Variants in SMG6 observed in about 807,000 individuals in gnomAD.
The protein encoded by SMG6 is SMG6 nonsense mediated mRNA decay factor, also known as telomerase-binding protein EST1A.
A neutral mutation model predicts 142.2 loss-of-function variants in SMG6; 66 were observed. That is an observed-to-expected ratio of 0.46 (90% CI 0.38 to 0.57). The LOEUF is 0.57. SMG6 is among the 20% of genes least tolerant of loss of function. The pLI, the probability that SMG6 is intolerant of heterozygous loss-of-function variation, is 0.00. For missense variants in SMG6, 1,793 were observed against 1,832.0 expected, an observed-to-expected ratio of 0.98 and a Z score of 0.39; for synonymous variants, 779 against 702.4, an observed-to-expected ratio of 1.11 and a Z score of -1.72.
intron 1 of SMG6, among the ~76,000 whole-genome samples, chr17:2,301,171 A>G (rs1480494995): frequency 6.6e-6 from 1 of 152,228 alleles, no homozygotes; most frequent in Non-Finnish European, 1.5e-5. Flanking sequence ...AGGGTATTAT[A>G]ACAATTATCA....
intron 13 of SMG6, among the ~76,000 whole-genome samples, chr17:2,119,478 G>A (rs1490214960): frequency 6.6e-6 from 1 of 151,944 alleles, no homozygotes; most frequent in African/African-American, 2.4e-5. Flanking sequence ...ATAGGCATTA[G>A]TCACCGCACC....
At chr17:2,219,818 A>AG (rs1350482165) in intron 10 of SMG6, among the ~76,000 whole-genome samples, 1 of 137,620 alleles carries the variant, frequency 7.3e-6, no homozygotes, top group African/African-American at 2.7e-5. Flanking sequence ...AAAAAAAAAA[A>AG]AAAGAAAAGA....
At chr17:2,156,688 T>C (rs2071018113) in intron 13 of SMG6, among the ~76,000 whole-genome samples, 1 of 152,172 alleles carries the variant, frequency 6.6e-6, no homozygotes, top group Admixed American at 6.5e-5. Context: ...AGGGTCTTGC[T>C]GTGTAACCCA....
At chr17:2,161,658 T>C (rs2071183504) in intron 13 of SMG6, among the ~76,000 whole-genome samples, 1 of 151,492 alleles carries the variant, frequency 6.6e-6, no homozygotes, top group Non-Finnish European at 1.5e-5. Flanking sequence ...CTAAATGATG[T>C]AGATAAGACT....
At chr17:2,099,897 C>G (rs2068958414) in intron 13 of SMG6, among the ~76,000 whole-genome samples, 1 of 152,204 alleles carries the variant, frequency 6.6e-6, no homozygotes, top group South Asian at 2.1e-4. Flanking sequence ...GGGTCTCACT[C>G]TGTCGCCCAG....
At chr17:2,184,240 G>A (rs1370705983) in intron 12 of SMG6, among the ~76,000 whole-genome samples, 3 of 152,094 alleles carry the variant, frequency 2.0e-5, no homozygotes, top group Non-Finnish European at 4.4e-5. Flanking sequence ...GCTCATACCT[G>A]TAATCCCAGC....
chr17:2,246,571 A>T (rs1366150608), intron 8 of SMG6, among the ~76,000 whole-genome samples: 2 of 152,238 alleles, frequency 1.3e-5, no homozygotes, highest in African/African-American at 2.4e-5. Context: ...ATTTATAGAT[A>T]AAAAGCTCAG....
At chr17:2,193,948 A>G (rs1307567327) in intron 10 of SMG6, among the ~76,000 whole-genome samples, 1 of 152,204 alleles carries the variant, frequency 6.6e-6, no homozygotes, top group Non-Finnish European at 1.5e-5. Context: ...CTTCCGCCTC[A>G]GCCTCCCAAG....
chr17:2,213,709 A>G (rs2072930407), intron 10 of SMG6: 1 of 152,258 alleles, frequency 6.6e-6, no homozygotes, highest in African/African-American at 2.4e-5. Context: ...AACACCCTCA[A>G]GGATGGGCAC....
chr17:2,194,707 CAAAACA>C (rs954152944), intron 10 of SMG6, among the ~76,000 whole-genome samples: 1,521 of 139,990 alleles, frequency 0.011, 27 homozygotes, highest in African/African-American at 0.038. Flanking sequence ...GAAAACAAAA[CAAAACA>C]AAAAAAAAAA....
intron 10 of SMG6, chr17:2,232,776 T>C (rs1304422616): frequency 6.6e-6 from 1 of 152,144 alleles, no homozygotes; most frequent in African/African-American, 2.4e-5. Flanking sequence ...GTTGGTTAAA[T>C]AATGTGGCAT....
Position 2,299,525 on chromosome 17 carries a change from T to C in SMG6, c.1228A>G (p.Ile410Val), listed in dbSNP as rs769315747. The C allele has an allele frequency of 1.2e-6, 2 of 1,614,000 alleles. No individual in the cohort carries two copies. Among genetic ancestry groups the C allele is most frequent in the Admixed American group, 1.7e-5 (1 of 59,986 alleles). The change falls in exon 2 of 19, where the codon ATT becomes GTT. Residue 410 changes from isoleucine (I) to valine (V), a missense_variant. Around this residue, in one of 3 missense-constraint regions of SMG6, gnomAD observed 1,597 missense variants for 1,584.6 expected, o/e 1.01. Coordinates refer to ENST00000263073, the MANE Select transcript of SMG6 (RefSeq NM_017575.5). The surrounding 1 kb of genome is among the most constrained non-coding windows in gnomAD (Gnocchi z 4.3). ...GATAGGGTGGTATGGGCAGGCAAAA[T>C]CAGAATGCCACGACCACGACCCCGA... Reference protein sequence around the residue: ...ELRGRGRGILILPAHTTLSVN... With the variant: ...ELRGRGRGILVLPAHTTLSVN...
chr17:2,186,826 G>A lies in SMG6; in HGVS notation c.2992C>T (p.Leu998=), dbSNP rs2072003157. 3 of 1,613,962 alleles carry A rather than the reference G, an allele frequency of 1.9e-6. No homozygotes were observed. Among genetic ancestry groups the A allele is most frequent in the Non-Finnish European group, 2.5e-6 (3 of 1,179,984 alleles). The stretch of plus-strand genomic sequence containing the variant: ...TCATCCTGGTCCTCAGGAGAGGACA[G>A]CTGAGCTGCAGAGGCAAAGGGTGAG... ...CLLKESAKAQ[L]SSPEDQDDQD... The change falls in exon 12 of 19, where the codon CTG becomes TTG. Residue 998 remains leucine, a synonymous_variant. Transcript: ENST00000263073.
intron 13 of SMG6, among the ~76,000 whole-genome samples, chr17:2,144,215 C>T (rs1388167061): frequency 2.6e-5 from 4 of 151,942 alleles, no homozygotes; most frequent in Non-Finnish European, 4.4e-5. Flanking sequence ...CCTGCCATCA[C>T]GCCCAGCTAA....
At chr17:2,162,785 G>A (rs936851685) in intron 13 of SMG6, among the ~76,000 whole-genome samples, 8 of 152,138 alleles carry the variant, frequency 5.3e-5, no homozygotes, top group African/African-American at 1.7e-4. Flanking sequence ...AGTTATCTCT[G>A]GGTAGTGGAT....
chr17:2,187,814 G>T (rs2072038192), intron 11 of SMG6, among the ~76,000 whole-genome samples: 1 of 151,988 alleles, frequency 6.6e-6, no homozygotes, highest in South Asian at 2.1e-4. Flanking sequence ...TGACAGTGGG[G>T]TCTCATTAAG....
chr17:2,256,788 T>TA (rs2151324959), intron 8 of SMG6, among the ~76,000 whole-genome samples: 1 of 151,176 alleles, frequency 6.6e-6, no homozygotes, highest in Admixed American at 6.6e-5. Flanking sequence ...AAAAAATAGA[T>TA]AGACAGATTT....
intron 7 of SMG6, 70 bp downstream of exon 7, chr17:2,283,555 C>A (rs1000544114): frequency 3.2e-6 from 4 of 1,248,120 alleles, no homozygotes; most frequent in South Asian, 1.2e-5. Context: ...GTGCGCAGAG[C>A]TAGGGCACAC....
intron 4 of SMG6, among the ~76,000 whole-genome samples, 156 bp downstream of exon 4, chr17:2,297,087 G>A (rs1481394376): frequency 1.3e-5 from 2 of 151,560 alleles, no homozygotes; most frequent in Non-Finnish European, 2.9e-5. Context: ...TAGTACATAT[G>A]ACATTACAAT....
Sources: gnomAD v4.1 joint callset for allele counts (sites outside exome capture counted in the v4.1 genomes callset) on GRCh38, gnomAD v4.1.1 for gene constraint, gnomAD v4.1.1 regional missense constraint, Gnocchi (gnomAD v3.1) non-coding constraint, MANE v1.5 for transcripts, NCBI Gene and HGNC (gene_info 2026-07-23, HGNC 2026-07-21) for gene names.